YJEFN3: variants seen among roughly 807,000 people sequenced by gnomAD.
The protein encoded by YJEFN3 is YjeF N-terminal domain containing 3.
YJEFN3 carries 29 observed loss-of-function variants against 31.5 expected under a neutral mutation model. The ratio of observed to expected loss-of-function variants is 0.92; its 90% CI spans 0.69 to 1.26. YJEFN3 has a LOEUF of 1.26. Ranked by LOEUF, YJEFN3 falls within the 50% of genes most tolerant of loss-of-function variation. The pLI, the probability that YJEFN3 is intolerant of heterozygous loss-of-function variation, is 0.00. For missense variants in YJEFN3, 442 were observed against 425.4 expected, an observed-to-expected ratio of 1.04 and a Z score of -0.34; for synonymous variants, 227 against 196.1, an observed-to-expected ratio of 1.16 and a Z score of -1.32.
chr19:19,531,245 G>A (rs1043198140), intron 2 of YJEFN3, among the ~76,000 whole-genome samples: 3 of 152,164 alleles, frequency 2.0e-5, no homozygotes, highest in African/African-American at 7.2e-5. Flanking sequence ...CCATCTGTAG[G>A]TCTGGCTCTA....
At position 19,535,569 on chromosome 19, in the gene YJEFN3, C is replaced by T; in HGVS notation, c.584C>T (p.Ala195Val). ...INEAYGLVVDAVLGPGVEPGE... is the reference protein window; with the variant it reads ...INEAYGLVVDVVLGPGVEPGE... ...GAAGCCTATGGGCTGGTGGTGGATG[C>T]CGTACTGGGCCCCGGCGTGGAGCCG... Residue 195 changes from alanine (A) to valine (V), a missense_variant, in exon 6 of 7, where the codon GCC (alanine) becomes GTC (valine). Physicochemically the swap from Ala to Val is moderately conservative, Grantham distance 64. Coordinates refer to ENST00000514277, the MANE Select transcript of YJEFN3 (RefSeq NM_198537.4). 6.3e-7 allele frequency: 1 copy of T among 1,582,514 alleles called. No individual in the cohort carries two copies. The highest frequency in any genetic ancestry group is 8.6e-7 in the Non-Finnish European group (1 of 1,163,582).
chr19:19,535,763 T>C lies in YJEFN3; in HGVS notation c.694+84T>C, dbSNP rs1196277243. The C allele has an allele frequency of 8.1e-6, 12 of 1,488,928 alleles. No individual in the cohort carries two copies. In the African/African-American group the frequency reaches 1.7e-4, roughly 21 times the overall value. The allele number at this position is 1,488,928 out of a possible 1,614,324, so 92.2% of individuals were successfully genotyped here. ...GCCCCAGCTCCTGGTCGCCCCTGCC[T>C]GTCTGAACCTCAATCTCCCCAGCTT... On this transcript the variant is annotated intron_variant, in intron 6 of 6. Coordinates refer to ENST00000514277, the MANE Select transcript of YJEFN3 (RefSeq NM_198537.4).
At chr19:19,529,998 GGCA>G (rs1187804190) in intron 2 of YJEFN3, among the ~76,000 whole-genome samples, 1 of 152,206 alleles carries the variant, frequency 6.6e-6, no homozygotes, top group Non-Finnish European at 1.5e-5. Flanking sequence ...GAGTTTTGGG[GGCA>G]GGAGGCTGCT....
chr19:19,533,594 C>T (rs1373115444), intron 3 of YJEFN3: 1 of 893,192 alleles, frequency 1.1e-6, no homozygotes, highest in Non-Finnish European at 1.3e-6. Context: ...TCCCACTTAC[C>T]CTACCTCCTC....
intron 2 of YJEFN3, among the ~76,000 whole-genome samples, chr19:19,530,218 A>G (rs1024783365): frequency 1.3e-5 from 2 of 151,994 alleles, no homozygotes; most frequent in Non-Finnish European, 2.9e-5. Context: ...CCTGGGTCTG[A>G]CAGGGAAATC....
Position 19,535,319 on chromosome 19 carries a change from C to G in YJEFN3, c.430-18C>G, listed in dbSNP as rs571596878. The G allele has an allele frequency of 2.0e-5, 32 of 1,610,356 alleles. No homozygotes were observed. The South Asian group carries it at 2.9e-4, about 14-fold the overall frequency. ...GACCAGGTCAGGGGAGTCTGACCCCCTCTTCTCCCACCCCCAGGAGTATGA... is the reference window on the plus strand; with the variant it reads ...GACCAGGTCAGGGGAGTCTGACCCCGTCTTCTCCCACCCCCAGGAGTATGA... On this transcript the variant is annotated intron_variant, in intron 4 of 6. Coordinates refer to ENST00000514277, the MANE Select transcript of YJEFN3 (RefSeq NM_198537.4).
chr19:19,529,104 A>G, intron 1 of YJEFN3, 113 bp downstream of exon 1: 1 of 1,489,570 alleles, frequency 6.7e-7, no homozygotes, highest in Non-Finnish European at 9.0e-7. Context: ...CGGGGACTGG[A>G]GACGGGCACA....
In YJEFN3 at chr19:19,529,000, G is replaced by C; in HGVS notation, c.59+9G>C. ...GAGCGGCATTTCCTCAGGTCAGCTGGGGAGAGGGAAGCTGGAGACGGGCAT... is the reference window on the plus strand; with the variant it reads ...GAGCGGCATTTCCTCAGGTCAGCTGCGGAGAGGGAAGCTGGAGACGGGCAT... On this transcript the variant is annotated intron_variant, in intron 1 of 6. Transcript: ENST00000514277. 1 of 1,550,734 alleles carries C rather than the reference G, an allele frequency of 6.4e-7. No homozygotes were observed. Among genetic ancestry groups the C allele is most frequent in the South Asian group, 1.2e-5 (1 of 83,982 alleles).
At chr19:19,536,635 T>G (rs1285796502) in intron 6 of YJEFN3, among the ~76,000 whole-genome samples, 1 of 150,036 alleles carries the variant, frequency 6.7e-6, no homozygotes, top group East Asian at 2.0e-4. Context: ...GCTGAGATCG[T>G]GCCACTGCAC....
chr19:19,535,192 G>A, intron 4 of YJEFN3, 48 bp downstream of exon 4: 1 of 1,544,240 alleles, frequency 6.5e-7, no homozygotes, highest in South Asian at 1.2e-5. Context: ...TGCCCCTGCA[G>A]AAATCACTGC....
At chr19:19,535,229 C>T in intron 4 of YJEFN3, 85 bp downstream of exon 4, 2 of 1,503,624 alleles carry the variant, frequency 1.3e-6, no homozygotes, top group Non-Finnish European at 9.1e-7. Context: ...CCCAGGGGGA[C>T]ATTGACGCAG....
At chr19:19,535,244 A>C (rs1369668882) in intron 4 of YJEFN3, 93 bp from the exon 5 acceptor site, 16 of 1,505,036 alleles carry the variant, frequency 1.1e-5, no homozygotes, top group Non-Finnish European at 1.5e-5. Flanking sequence ...ACGCAGGGCC[A>C]GGTTATAGAA....
chr19:19,533,997 G>A (rs933825548), intron 3 of YJEFN3: 4 of 985,626 alleles, frequency 4.1e-6, no homozygotes, highest in South Asian at 4.7e-5. Flanking sequence ...GTAATCTGCT[G>A]TCTGTGTGGT....
chr19:19,531,687 T>TAAGTAGCCACATTTTCTGGCAAC (rs1426842434), intron 2 of YJEFN3, among the ~76,000 whole-genome samples: 1 of 146,484 alleles, frequency 6.8e-6, no homozygotes, highest in African/African-American at 2.5e-5. Flanking sequence ...CACCTCCAGC[T>TAAGTAGCCACATTTTCTGGCAAC]AAGTAGCCAC....
Position 19,535,620 on chromosome 19 carries a change from G to A in YJEFN3, c.635G>A (p.Arg212His), listed in dbSNP as rs372687660. The change falls in exon 6 of 7, where the codon CGC becomes CAC. Residue 212 changes from arginine (R) to histidine (H), a missense_variant. Physicochemically the swap from Arg to His is conservative, Grantham distance 29 (BLOSUM62 0). Transcript: ENST00000514277. Reference protein sequence around the residue: ...EPGEVGGPCTRALATLKLLSI... With the variant: ...EPGEVGGPCTHALATLKLLSI... The stretch of plus-strand genomic sequence containing the variant: ...GGCGAGGTCGGGGGCCCCTGCACCC[G>A]CGCGCTGGCCACGCTCAAGCTGCTG... 1.4e-5 allele frequency: 23 copies of A among 1,588,506 alleles called. No individual in the cohort carries two copies. Among genetic ancestry groups the A allele is most frequent in the South Asian group, 9.1e-5 (8 of 88,262 alleles).
At chr19:19,533,391 A>G in intron 3 of YJEFN3, 1 of 986,176 alleles carries the variant, frequency 1.0e-6, no homozygotes, top group African/African-American at 1.7e-5. Flanking sequence ...TCGAGGCTCT[A>G]GCGTGACTGC....
At chr19:19,533,682 A>G in intron 3 of YJEFN3, 2 of 985,036 alleles carry the variant, frequency 2.0e-6, no homozygotes, top group Non-Finnish European at 2.4e-6. Flanking sequence ...TATACTTTTT[A>G]AAAACTCAAT....
Position 19,534,941 on chromosome 19 carries a change from C to T in YJEFN3, c.319-93C>T. ...ATCCTGTTGCCTCCAGGCCCAAGCCCCATCCCTTCCCCTACTCCGGGCCTC... is the reference window on the plus strand; with the variant it reads ...ATCCTGTTGCCTCCAGGCCCAAGCCTCATCCCTTCCCCTACTCCGGGCCTC... On this transcript the variant is annotated intron_variant, in intron 3 of 6. Coordinates refer to ENST00000514277, the MANE Select transcript of YJEFN3 (RefSeq NM_198537.4). This position sits in a 1 kb window ranked among gnomAD's most constrained non-coding sequence, Gnocchi z 4.6. 1 of 1,149,912 alleles carries T rather than the reference C, an allele frequency of 8.7e-7. No homozygotes were observed. The highest frequency in any genetic ancestry group is 1.2e-6 in the Non-Finnish European group (1 of 825,604). The allele number at this position is 1,149,912 out of a possible 1,614,324, so 71.2% of individuals were successfully genotyped here.
intron 6 of YJEFN3, 50 bp downstream of exon 6, chr19:19,535,729 G>A (rs1464396188): frequency 5.2e-6 from 8 of 1,537,198 alleles, no homozygotes; most frequent in Admixed American, 2.0e-5. Context: ...CTTGGGTGGA[G>A]GCCCCTGTGC....
Sources: gnomAD v4.1 joint callset for allele counts (sites outside exome capture counted in the v4.1 genomes callset) on GRCh38, gnomAD v4.1.1 for gene constraint, Gnocchi (gnomAD v3.1) non-coding constraint, MANE v1.5 for transcripts, NCBI Gene and HGNC (gene_info 2026-07-23, HGNC 2026-07-21) for gene names.